Variants in UBFD1 observed in about 807,000 individuals in gnomAD.
UBFD1 encodes the protein ubiquitin domain-containing protein UBFD1.
A neutral mutation model predicts 35.1 loss-of-function variants in UBFD1; 12 were observed. The ratio of observed to expected loss-of-function variants is 0.34; its 90% CI spans 0.22 to 0.55. The LOEUF is 0.55. Among genes scored for constraint, UBFD1 ranks in the 20% least tolerant of loss-of-function variants. UBFD1 has a pLI of 0.89. For missense variants in UBFD1, 337 were observed against 410.8 expected (o/e 0.82, Z 1.55); for synonymous variants, 178 against 167.6 (o/e 1.06, Z -0.48).
At chr16:23,566,953 C>G in intron 5 of UBFD1, 34 bp from the exon 6 acceptor site, 1 of 1,607,664 alleles carries the variant, frequency 6.2e-7, no homozygotes, top group Middle Eastern at 1.7e-4. Context: ...CAGGAGGGCC[C>G]TTTGAATAAT....
At chr16:23,560,426 C>A (rs933591637) in intron 3 of UBFD1, among the ~76,000 whole-genome samples, 5 of 152,054 alleles carry the variant, frequency 3.3e-5, no homozygotes, top group Non-Finnish European at 5.9e-5. Context: ...TCCTAGTGTT[C>A]CAAGGAAGAC....
chr16:23,570,572 G>A lies in UBFD1; in HGVS notation c.912G>A (p.Gly304=). Residue 304 remains glycine, a synonymous_variant, in exon 7 of 7, where the codon GGG becomes GGA. Coordinates refer to ENST00000395878, the MANE Select transcript of UBFD1 (RefSeq NM_019116.3). The part of the protein sequence containing the change: ...YVDAIKDTVL[G]KWQYF ...ATGCAATCAAAGACACTGTGCTGGG[G>A]AAATGGCAGTATTTTTGAAAGCACT... 1.2e-6 allele frequency: 2 copies of A among 1,614,010 alleles called. No homozygotes were observed. The highest frequency in any genetic ancestry group is 1.7e-6 in the Non-Finnish European group (2 of 1,179,948).
At position 23,573,624 on chromosome 16, in the gene UBFD1, C is replaced by T. The variant is rs1041217177; in HGVS notation, c.*3034C>T. ...TTCTTGTGGACATAGAAGGGGCCCA[C>T]GTAAGGCCCTGAGTAGGCTCCTTAG... On this transcript the variant is annotated 3_prime_UTR_variant, in exon 7 of 7. Coordinates refer to ENST00000395878, the MANE Select transcript of UBFD1 (RefSeq NM_019116.3). 2.0e-5 allele frequency: 3 copies of T among 152,644 alleles called. No homozygotes were observed. The highest frequency in any genetic ancestry group is 1.9e-4 in the East Asian group (1 of 5,188). The allele number at this position is 152,644 out of a possible 1,614,324, so 9.5% of individuals were successfully genotyped here.
chr16:23,572,060 T>C lies in UBFD1; in HGVS notation c.*1470T>C, dbSNP rs1304935580. On this transcript the variant is annotated 3_prime_UTR_variant, in exon 7 of 7. Transcript: ENST00000395878. ...CCTCATTCTGTGAAACGTATTAGCATGTGTTCGCCCAAGATGACTATTCCT... is the reference window on the plus strand; with the variant it reads ...CCTCATTCTGTGAAACGTATTAGCACGTGTTCGCCCAAGATGACTATTCCT... 6.6e-6 allele frequency: 1 copy of C among 152,646 alleles called. No homozygotes were observed. The highest frequency in any genetic ancestry group is 2.4e-5 in the African/African-American group (1 of 41,452). 9.5% of individuals were successfully genotyped at this position (152,646 alleles called of 1,614,324 possible).
chr16:23,571,652 T>C lies in UBFD1; in HGVS notation c.*1062T>C, dbSNP rs1239947230. On this transcript the variant is annotated 3_prime_UTR_variant, in exon 7 of 7. Coordinates refer to ENST00000395878, the MANE Select transcript of UBFD1 (RefSeq NM_019116.3). ...GGATGATTTCAATTATGCTTCTCCA[T>C]TGGGTCCTTCTGCTCATGCATTCAG... The C allele has an allele frequency of 1.3e-5, 2 of 152,716 alleles. No homozygotes were observed. The highest frequency in any genetic ancestry group is 2.9e-5 in the Non-Finnish European group (2 of 68,054). The allele number at this position is 152,716 out of a possible 1,614,324, so 9.5% of individuals were successfully genotyped here. A position where few individuals can be genotyped will look rare whatever the true frequency, so the allele number is the denominator to read the frequency against.
intron 2 of UBFD1, chr16:23,558,947 GTTTTT>G (rs1046897920): frequency 6.6e-6 from 1 of 151,998 alleles, no homozygotes; most frequent in Admixed American, 6.6e-5. Context: ...CGCCGGGCTA[GTTTTT>G]TTTATTTTAT....
intron 3 of UBFD1, among the ~76,000 whole-genome samples, chr16:23,560,159 A>G (rs1334170758): frequency 2.0e-5 from 3 of 152,134 alleles, no homozygotes. Flanking sequence ...TAGGAAGACA[A>G]CTACACTGAT....
At chr16:23,562,366 GT>G (rs371873073) in intron 4 of UBFD1, 95 bp downstream of exon 4, 42,630 of 893,574 alleles carry the variant, frequency 0.048, 10 homozygotes, top group South Asian at 0.055. Context: ...TTTTTTCCCT[GT>G]TTTTTTTTTT....
At chr16:23,557,813 C>CG (rs1037214335) in intron 1 of UBFD1, 46 bp downstream of exon 1, 7 of 1,273,912 alleles carry the variant, frequency 5.5e-6, no homozygotes, top group Non-Finnish European at 6.9e-6. Context: ...GCTGAGGTTG[C>CG]GGTCGCTCCT....
chr16:23,560,267 TG>T (rs1206080633), intron 3 of UBFD1, among the ~76,000 whole-genome samples: 2 of 152,234 alleles, frequency 1.3e-5, no homozygotes, highest in Admixed American at 6.5e-5. Flanking sequence ...TGCCTTGTCT[TG>T]TGCTCATCAT....
At chr16:23,557,873 A>C in intron 1 of UBFD1, 77 bp from the exon 2 acceptor site, 1 of 1,268,916 alleles carries the variant, frequency 7.9e-7, no homozygotes, top group Non-Finnish European at 9.9e-7. Flanking sequence ...TCGGGAACGG[A>C]GGTCCGGCGG....
At chr16:23,567,431 T>C (rs1966027157) in intron 6 of UBFD1, among the ~76,000 whole-genome samples, 1 of 152,186 alleles carries the variant, frequency 6.6e-6, no homozygotes, top group Admixed American at 6.5e-5. Flanking sequence ...TTATCTTGCT[T>C]ATAAAACAAA....
At chr16:23,562,811 A>T (rs1965956881) in intron 5 of UBFD1, 81 bp downstream of exon 5, 2 of 1,226,544 alleles carry the variant, frequency 1.6e-6, no homozygotes, top group Non-Finnish European at 2.4e-6. Context: ...GTGCGATTTC[A>T]CCCCTCCTTC....
intron 6 of UBFD1, among the ~76,000 whole-genome samples, chr16:23,568,468 A>G (rs1426967094): frequency 6.6e-6 from 1 of 151,452 alleles, no homozygotes; most frequent in Non-Finnish European, 1.5e-5. Context: ...CTCTCTCTGT[A>G]GTCTTTATTA....
rs1056845618 is a variant in UBFD1, at chr16:23,570,374, C to G, written c.820-106C>G. 32 of 819,166 alleles carry G rather than the reference C, an allele frequency of 3.9e-5. No homozygotes were observed. The South Asian group carries it at 4.8e-4, about 12-fold the overall frequency. 50.7% of individuals were successfully genotyped at this position (819,166 alleles called of 1,614,324 possible). ...ACGTGCAAAGTTTTGTTTGGTTTTT[C>G]TTCCCTTTTTAATTAACTCACATCC... On this transcript the variant is annotated intron_variant, in intron 6 of 6. Coordinates refer to ENST00000395878, the MANE Select transcript of UBFD1 (RefSeq NM_019116.3).
chr16:23,558,459 A>G (rs1965864309), intron 2 of UBFD1, among the ~76,000 whole-genome samples, 180 bp downstream of exon 2: 1 of 152,198 alleles, frequency 6.6e-6, no homozygotes, highest in Admixed American at 6.5e-5. Context: ...TTATAGAGCT[A>G]GTAAGTTGCA....
At position 23,562,232 on chromosome 16, in the gene UBFD1, A is replaced by G; in HGVS notation, c.591A>G (p.Gly197=). 6.2e-7 allele frequency: 1 copy of G among 1,614,102 alleles called. No homozygotes were observed. Among genetic ancestry groups the G allele is most frequent in the Non-Finnish European group, 8.5e-7 (1 of 1,179,980 alleles). The change falls in exon 4 of 7, where the codon GGA becomes GGG. Residue 197 remains glycine (G), a synonymous_variant. Coordinates refer to ENST00000395878, the MANE Select transcript of UBFD1 (RefSeq NM_019116.3). The part of the protein sequence containing the change: ...QKQHRKVLDK[G]KPEDVMPSVK... ...AACACAGGAAAGTGTTGGATAAAGG[A>G]AAACCTGAAGATGTGATGCCATCTG...
At chr16:23,559,735 G>A (rs777768309) in intron 3 of UBFD1, 59 bp downstream of exon 3, 12 of 1,605,544 alleles carry the variant, frequency 7.5e-6, no homozygotes, top group African/African-American at 1.3e-5. Context: ...CTCTTGAGCC[G>A]TGGCTGGTTA....
chr16:23,559,446 C>T, intron 2 of UBFD1, 22 bp from the exon 3 acceptor site: 5 of 1,606,074 alleles, frequency 3.1e-6, no homozygotes, highest in Non-Finnish European at 4.3e-6. Flanking sequence ...CTTTCACTGT[C>T]CACCTTCTAC....
Sources: allele counts gnomAD v4.1 joint callset (sites outside exome capture counted in the v4.1 genomes callset), GRCh38; gene constraint gnomAD v4.1.1; transcripts MANE v1.5; gene names NCBI Gene and HGNC (gene_info 2026-07-23, HGNC 2026-07-21).